PACRGL: variants seen among roughly 807,000 people sequenced by gnomAD.
PACRGL encodes the protein parkin coregulated like.
A neutral mutation model predicts 34.5 loss-of-function variants in PACRGL; 38 were observed. That is an observed-to-expected ratio of 1.10 (90% CI 0.85 to 1.44). PACRGL has a LOEUF of 1.44. Ranked by LOEUF, PACRGL falls within the 40% of genes most tolerant of loss-of-function variation. The pLI is 0.00. For synonymous variants in PACRGL, 128 were observed against 100.1 expected, an observed-to-expected ratio of 1.28 and a Z score of -1.66; for missense variants, 305 against 281.4, an observed-to-expected ratio of 1.08 and a Z score of -0.60.
chr4:20,762,452 A>G, the PACRGL span, among the ~76,000 whole-genome samples: 17 of 152,296 alleles, frequency 1.1e-4, no homozygotes, highest in Admixed American at 9.8e-4. Context: ...ATTCCCAGAG[A>G]TTTTTTATTG....
chr4:20,748,084 G>A (rs996413841), intron 8 of PACRGL, among the ~76,000 whole-genome samples: 1 of 152,000 alleles, frequency 6.6e-6, no homozygotes, highest in Non-Finnish European at 1.5e-5. Context: ...TACACTCCAT[G>A]TTTCCAGGAA....
chr4:20,714,485 T>C (rs1177455575), intron 7 of PACRGL, among the ~76,000 whole-genome samples: 2 of 152,116 alleles, frequency 1.3e-5, no homozygotes, highest in Non-Finnish European at 2.9e-5. Context: ...ATTGGAGCAT[T>C]TTAGTCCATT....
chr4:20,764,753 A>G, the PACRGL span, among the ~76,000 whole-genome samples: 2 of 151,638 alleles, frequency 1.3e-5, no homozygotes, highest in South Asian at 2.1e-4. Context: ...CATGAATCCA[A>G]TCGTCATTCT....
Position 20,729,452 on chromosome 4 carries a change from GCTGATAT to G in PACRGL, c.*2118_*2124del, listed in dbSNP as rs577085923. 3.8e-5 allele frequency: 5 copies of G among 133,282 alleles called. No homozygotes were observed. Among genetic ancestry groups the G allele is most frequent in the Non-Finnish European group, 6.7e-5 (4 of 59,532 alleles). 8.3% of individuals were successfully genotyped at this position (133,282 alleles called of 1,614,324 possible). A position where few individuals can be genotyped will look rare whatever the true frequency, so the allele number is the denominator to read the frequency against. ...TTAAAATAAGTTTTATTAGGCATAT[GCTGATAT>G]CTGATAATAAACTAATTTTTAAATG... On this transcript the variant is annotated 3_prime_UTR_variant, in exon 9 of 9. Coordinates refer to ENST00000503585, the MANE Select transcript of PACRGL (RefSeq NM_001258345.3).
rs901645119 is a variant in PACRGL at position 20,729,144 on chromosome 4, T to G, written c.*1803T>G. The G allele has an allele frequency of 6.6e-6, 1 of 152,650 alleles. No homozygotes were observed. Among genetic ancestry groups the G allele is most frequent in the South Asian group, 2.1e-4 (1 of 4,832 alleles). 9.5% of individuals were successfully genotyped at this position (152,650 alleles called of 1,614,324 possible). A position where few individuals can be genotyped will look rare whatever the true frequency, so the allele number is the denominator to read the frequency against. On this transcript the variant is annotated 3_prime_UTR_variant, in exon 9 of 9. Coordinates refer to ENST00000503585, the MANE Select transcript of PACRGL (RefSeq NM_001258345.3). ...GTCCCTGAATGGCTTGTAATATAAA[T>G]AAACATGCTGTAAGGAAGTCAGGGG...
In PACRGL at chr4:20,722,352, G is replaced by A. The variant is rs1370558190; in HGVS notation, c.610-2456G>A. Reference sequence around the variant, plus strand: ...CTGTCCTGCACCCACTGTCCAACAAGCCCCAGTGAGATGAACCCGGTACCT... The same window carrying A: ...CTGTCCTGCACCCACTGTCCAACAAACCCCAGTGAGATGAACCCGGTACCT... On this transcript the variant is annotated intron_variant, in intron 7 of 8. Transcript: ENST00000503585. Among the ~76,000 whole-genome samples, 4 of 152,302 alleles carry A rather than the reference G, an allele frequency of 2.6e-5. No individual in the cohort carries two copies. The East Asian group carries it at 7.7e-4, about 29-fold the overall frequency.
intron 4 of PACRGL, among the ~76,000 whole-genome samples, chr4:20,709,363 T>C (rs1234941976): frequency 6.6e-6 from 1 of 152,220 alleles, no homozygotes; most frequent in Non-Finnish European, 1.5e-5. Context: ...GTTTGCATTT[T>C]TTCATTTCTG....
At chr4:20,708,555 TATTTACATTCTGA>T (rs1465578418) in intron 4 of PACRGL, among the ~76,000 whole-genome samples, 1 of 152,216 alleles carries the variant, frequency 6.6e-6, no homozygotes, top group African/African-American at 2.4e-5. Context: ...TGTTATTTCA[TATTTACATTCTGA>T]ATTGAAACCC....
At chr4:20,718,268 A>G (rs1354802191) in intron 7 of PACRGL, among the ~76,000 whole-genome samples, 1 of 152,198 alleles carries the variant, frequency 6.6e-6, no homozygotes, top group Non-Finnish European at 1.5e-5. Flanking sequence ...CAATCATGTC[A>G]TCTGCAAACG....
chr4:20,739,303 C>T (rs1336231904), intron 8 of PACRGL, among the ~76,000 whole-genome samples: 6 of 152,192 alleles, frequency 3.9e-5, no homozygotes, highest in African/African-American at 9.6e-5. Context: ...CCCTGACCCC[C>T]GAGTAGCATA....
chr4:20,726,194 G>C lies in PACRGL; in HGVS notation c.691-1091G>C, dbSNP rs73805129. 6.2e-3 allele frequency among the ~76,000 whole-genome samples: 945 copies of C among 152,150 alleles called. 9 individuals carry two copies. Among genetic ancestry groups the C allele is most frequent in the African/African-American group, 0.021 (885 of 41,518 alleles). ...GGGTGTGGAGGAGGAGATAGTATAT[G>C]TGTAAATAAAGTTTAGAAACGGCAC... On this transcript the variant is annotated intron_variant, in intron 8 of 8. Coordinates refer to ENST00000503585, the MANE Select transcript of PACRGL (RefSeq NM_001258345.3).
chr4:20,707,156 CT>C (rs1481005193), intron 3 of PACRGL, among the ~76,000 whole-genome samples: 2 of 152,144 alleles, frequency 1.3e-5, no homozygotes, highest in Non-Finnish European at 2.9e-5. Context: ...CTGTAAGTCT[CT>C]TATCAATTAT....
intron 8 of PACRGL, among the ~76,000 whole-genome samples, chr4:20,739,504 T>C (rs1045809826): frequency 5.9e-5 from 9 of 152,300 alleles, no homozygotes; most frequent in Non-Finnish European, 1.3e-4. Context: ...CTGAGGGTCC[T>C]GACTGTTAGA....
chr4:20,731,332 C>G lies in PACRGL; in HGVS notation c.*3991C>G, dbSNP rs1281754301. 1.1e-6 allele frequency: 1 copy of G among 932,434 alleles called. No individual in the cohort carries two copies. The highest frequency in any genetic ancestry group is 1.3e-6 in the Non-Finnish European group (1 of 781,784). The allele number at this position is 932,434 out of a possible 1,614,324, so 57.8% of individuals were successfully genotyped here. A position where few individuals can be genotyped will look rare whatever the true frequency, so the allele number is the denominator to read the frequency against. ...TAAGTTATCTTCCCGCCTCAGCCTC[C>G]CATAGTGCTGGGATTACAGTTGTGA... On this transcript the variant is annotated 3_prime_UTR_variant, in exon 9 of 9. Transcript: ENST00000503585.
chr4:20,759,859 A>G, the PACRGL span, among the ~76,000 whole-genome samples: 10 of 152,148 alleles, frequency 6.6e-5, no homozygotes, highest in African/African-American at 2.4e-4. Flanking sequence ...CATGTGAGAT[A>G]TTAACTGTAT....
At chr4:20,724,929 T>C in intron 8 of PACRGL, 41 bp downstream of exon 8, 3 of 1,153,808 alleles carry the variant, frequency 2.6e-6, no homozygotes, top group South Asian at 1.9e-5. Context: ...TTTTTAACTT[T>C]TAGGTGTATT....
At position 20,742,751 on chromosome 4, in the gene PACRGL, A is replaced by G. The variant is rs538399040; in HGVS notation, c.*57-9814A>G. Among the ~76,000 whole-genome samples the G allele has an allele frequency of 1.4e-3, 214 of 152,288 alleles. 4 individuals are homozygous for G. The South Asian group carries it at 0.04, about 28-fold the overall frequency. On this transcript the variant is annotated intron_variant, in intron 8 of 8. Coordinates refer to the PACRGL transcript ENST00000507634. ...AGGAGAAGGAAATAAAGGGTATTCA[A>G]TTAGGGAAAGAAGAAGTCAAATTTT...
At chr4:20,711,543 A>C (rs1293584440) in intron 5 of PACRGL, among the ~76,000 whole-genome samples, 1 of 152,198 alleles carries the variant, frequency 6.6e-6, no homozygotes, top group Admixed American at 6.6e-5. Flanking sequence ...AGGAAAGGAA[A>C]TGTTTGATTA....
upstream of PACRGL, among the ~76,000 whole-genome samples, chr4:20,697,558 G>A (rs1359288168): frequency 6.6e-6 from 1 of 152,204 alleles, no homozygotes; most frequent in Non-Finnish European, 1.5e-5. Context: ...CACACAGACA[G>A]TGCAGTAACC....
Sources: allele counts gnomAD v4.1 joint callset (sites outside exome capture counted in the v4.1 genomes callset), GRCh38; gene constraint gnomAD v4.1.1; transcripts MANE v1.5; gene names NCBI Gene and HGNC (gene_info 2026-07-23, HGNC 2026-07-21).